SHANK2: variants seen among roughly 807,000 people sequenced by gnomAD.
The protein encoded by SHANK2 is SH3 and multiple ankyrin repeat domains protein 2.
Under a neutral mutation model 133.7 loss-of-function variants are expected in SHANK2, and 43 were observed. The ratio of observed to expected loss-of-function variants is 0.32; its 90% confidence interval spans 0.25 to 0.41. The LOEUF (loss-of-function observed/expected upper bound fraction) is 0.41. Among genes scored for constraint, SHANK2 ranks in the 10% least tolerant of loss-of-function variants. The pLI is 1.00. For missense variants in SHANK2, 1,994 were observed against 2,235.8 expected (o/e 0.89, Z 2.18); for synonymous variants, 1,017 against 952.8 (o/e 1.07, Z -1.24).
chr11:70,541,053 C>G (rs2059616052), intron 17 of SHANK2, among the ~76,000 whole-genome samples: 1 of 152,146 alleles, frequency 6.6e-6, no homozygotes, highest in African/African-American at 2.4e-5. Flanking sequence ...ACTCTAGAAG[C>G]TTCGTATGAC....
rs1555152981 is a variant in SHANK2 at position 70,485,647 on chromosome 11, T to G, written c.4646A>C (p.Lys1549Thr). The G allele has an allele frequency of 6.2e-7, 1 of 1,614,074 alleles. No individual in the cohort carries two copies. The highest frequency in any genetic ancestry group is 1.1e-5 in the South Asian group (1 of 91,082). ...GTGAATGATGGGCTTCATTTTTGGC[T>G]TAGGAGGTACTGGGGGTTTGTCAAC... The part of the protein sequence containing the change: ...FMVDKPPVPP[K>T]PKMKPIIHKS... Residue 1549 changes from lysine (K) to threonine (T), a missense_variant, in exon 25 of 26, where the codon AAG becomes ACG. Lys to Thr is a moderately conservative substitution (Grantham distance 78). Transcript: ENST00000601538. This position sits in a 1 kb window ranked among gnomAD's most constrained non-coding sequence, Gnocchi z 5.8.
chr11:70,578,202 G>A (rs1418115431), intron 17 of SHANK2, among the ~76,000 whole-genome samples: 17 of 152,160 alleles, frequency 1.1e-4, no homozygotes, highest in East Asian at 1.9e-4. Flanking sequence ...CTACAGATAC[G>A]GCGCCTGTCC....
chr11:71,083,894 T>A (rs943605143), intron 8 of SHANK2, among the ~76,000 whole-genome samples: 33 of 152,166 alleles, frequency 2.2e-4, no homozygotes, highest in Admixed American at 7.9e-4. Flanking sequence ...TTCTTTGTAT[T>A]TTCCAAGATT....
chr11:70,819,999 C>T (rs1168434554), intron 12 of SHANK2, among the ~76,000 whole-genome samples: 1 of 152,184 alleles, frequency 6.6e-6, no homozygotes, highest in African/African-American at 2.4e-5. Context: ...ACCAGGCTTG[C>T]AGCCCTGCCT....
chr11:71,118,766 C>A (rs191837870), intron 4 of SHANK2, 63 bp downstream of exon 4: 7 of 1,380,560 alleles, frequency 5.1e-6, no homozygotes, highest in Admixed American at 2.5e-5. Flanking sequence ...ATGTCTCCCC[C>A]ACCCACCATG....
In SHANK2 at chr11:70,500,659, C is replaced by T. The variant is rs2059037056; in HGVS notation, c.2288-69G>A. Reference sequence around the variant, plus strand: ...CGCCCGCCCGCAGCCTACACTCGGGCCTTGTCAGCTCAGGGCGCCTCAGGA... The same window carrying T: ...CGCCCGCCCGCAGCCTACACTCGGGTCTTGTCAGCTCAGGGCGCCTCAGGA... On this transcript the variant is annotated intron_variant, in intron 20 of 25. Transcript: ENST00000601538. The surrounding 1 kb of genome is among the most constrained non-coding windows in gnomAD (Gnocchi z 4.5). The T allele has an allele frequency of 1.3e-6, 2 of 1,565,390 alleles. No homozygotes were observed. The highest frequency in any genetic ancestry group is 1.7e-6 in the Non-Finnish European group (2 of 1,154,812).
At chr11:70,712,207 C>G (rs1158978424) in intron 14 of SHANK2, among the ~76,000 whole-genome samples, 2 of 152,206 alleles carry the variant, frequency 1.3e-5, no homozygotes, top group Non-Finnish European at 2.9e-5. Flanking sequence ...GTCCTTCCCC[C>G]CACTGCATTG....
chr11:70,532,548 T>A (rs1371585033), intron 17 of SHANK2, among the ~76,000 whole-genome samples: 1 of 150,784 alleles, frequency 6.6e-6, no homozygotes, highest in Non-Finnish European at 1.5e-5. Context: ...TAAAATGGAG[T>A]CACAACCCAG....
At chr11:70,760,325 A>G (rs1214998969) in intron 14 of SHANK2, among the ~76,000 whole-genome samples, 1 of 152,206 alleles carries the variant, frequency 6.6e-6, no homozygotes, top group Non-Finnish European at 1.5e-5. Context: ...CTAGAGGCCC[A>G]ATTCCCAGCT....
At chr11:70,888,329 A>C (rs1949779305) in intron 11 of SHANK2, among the ~76,000 whole-genome samples, 1 of 152,138 alleles carries the variant, frequency 6.6e-6, no homozygotes, top group Non-Finnish European at 1.5e-5. Flanking sequence ...AACCCAACAC[A>C]GCCCACTTCC....
At chr11:71,158,954 C>T (rs1294121312) in intron 2 of SHANK2, among the ~76,000 whole-genome samples, 1 of 152,190 alleles carries the variant, frequency 6.6e-6, no homozygotes. Flanking sequence ...ACTACTGTCA[C>T]GTGAAAAGCA....
At chr11:70,580,031 A>C (rs1425185847) in intron 17 of SHANK2, among the ~76,000 whole-genome samples, 2 of 152,148 alleles carry the variant, frequency 1.3e-5, no homozygotes, top group Non-Finnish European at 2.9e-5. Context: ...CCTGCATTGG[A>C]CTTCTGGCTT....
chr11:70,619,623 G>A (rs116594458), intron 17 of SHANK2, among the ~76,000 whole-genome samples: 2,457 of 152,300 alleles, frequency 0.016, 58 homozygotes, highest in African/African-American at 0.056. Context: ...GGACATCTTG[G>A]GGACCCTTAT....
At chr11:71,208,341 G>C (rs1437516087) in intron 2 of SHANK2, among the ~76,000 whole-genome samples, 1 of 152,090 alleles carries the variant, frequency 6.6e-6, no homozygotes. Context: ...GAAGGGACAC[G>C]CACCAGAGCC....
intron 14 of SHANK2, among the ~76,000 whole-genome samples, chr11:70,709,656 T>C (rs1294083215): frequency 6.6e-6 from 1 of 152,046 alleles, no homozygotes; most frequent in Non-Finnish European, 1.5e-5. Flanking sequence ...AGGCAGAGCA[T>C]AGTTAAGGGA....
chr11:70,681,618 G>A (rs1340633675), intron 15 of SHANK2, among the ~76,000 whole-genome samples: 1 of 152,120 alleles, frequency 6.6e-6, no homozygotes, highest in Non-Finnish European at 1.5e-5. Context: ...CAGGGGAGAG[G>A]CCAGCTCATT....
rs187948050 is a variant in SHANK2, at chr11:71,112,986, C to T, written c.483+307G>A. ...ACTGTGGACCCGCTTCCCTCCACCA[C>T]GCCAGGCGTCCAGATCCCACTCTCT... On this transcript the variant is annotated intron_variant, in intron 5 of 25. Transcript: ENST00000601538. Among the ~76,000 whole-genome samples, 282 of 152,348 alleles carry T rather than the reference C, an allele frequency of 1.9e-3. 4 individuals are homozygous for T. Among genetic ancestry groups the T allele is most frequent in the Non-Finnish European group, 3.5e-3 (237 of 68,034 alleles).
intron 2 of SHANK2, among the ~76,000 whole-genome samples, chr11:71,219,255 A>G (rs971455434): frequency 1.3e-5 from 2 of 152,234 alleles, no homozygotes; most frequent in Non-Finnish European, 2.9e-5. Context: ...GCAGTCTGTC[A>G]CAACGATTCA....
chr11:71,090,442 C>CCT (rs1293097073), intron 8 of SHANK2, among the ~76,000 whole-genome samples: 2,660 of 8,040 alleles, frequency 0.33, 1,242 homozygotes, highest in Middle Eastern at 0.5. Context: ...AGAAACACTA[C>CCT]GTGTGTGTGT....
Sources: gnomAD v4.1 joint callset for allele counts (sites outside exome capture counted in the v4.1 genomes callset) on GRCh38, gnomAD v4.1.1 for gene constraint, Gnocchi (gnomAD v3.1) non-coding constraint, MANE v1.5 for transcripts, NCBI Gene and HGNC (gene_info 2026-07-23, HGNC 2026-07-21) for gene names.